Variants in SLC25A29 observed in about 807,000 individuals in gnomAD.
The protein encoded by SLC25A29 is mitochondrial basic amino acids transporter.
Under a neutral mutation model 10.0 loss-of-function variants are expected in SLC25A29, and 13 were observed. That is an observed-to-expected ratio of 1.30 (90% CI 0.85 to 2.07). SLC25A29 has a LOEUF of 2.07. Ranked by LOEUF, SLC25A29 falls within the 30% of genes most tolerant of loss-of-function variation. The probability of loss-of-function intolerance (pLI) is 0.00; values close to 1 mark genes in which losing one functional copy is unlikely to be tolerated. For missense variants in SLC25A29, 475 were observed against 447.6 expected (o/e 1.06, Z -0.55); for synonymous variants, 244 against 221.1 (o/e 1.10, Z -0.92).
At chr14:100,281,227 AATT>A in the SLC25A29 span, 2 of 151,692 alleles carry the variant, frequency 1.3e-5, no homozygotes, top group East Asian at 3.9e-4. Context: ...TTAATTATTT[AATT>A]ATTCTTTAAT....
At chr14:100,293,216 C>G (rs1485029112) in intron 3 of SLC25A29, 78 bp downstream of exon 3, 2 of 1,539,680 alleles carry the variant, frequency 1.3e-6, no homozygotes, top group Non-Finnish European at 1.8e-6. Context: ...TCCTGGCTCT[C>G]TGGTCTGGGG....
chr14:100,306,266 C>T lies in SLC25A29; in HGVS notation c.-34G>A, dbSNP rs756798148. 2 of 1,446,842 alleles carry T rather than the reference C, an allele frequency of 1.4e-6. No individual in the cohort carries two copies. Among genetic ancestry groups the T allele is most frequent in the African/African-American group, 1.5e-5 (1 of 67,758 alleles). 89.6% of individuals were successfully genotyped at this position (1,446,842 alleles called of 1,614,324 possible). On this transcript the variant is annotated 5_prime_UTR_variant, in exon 1 of 4. Transcript: ENST00000359232. ...CCCCGGCGAGGCCGCCTTTCCTCCT[C>T]GTCCTCCCCCTGAGGCCCCTCGCCG...
downstream of SLC25A29, among the ~76,000 whole-genome samples, chr14:100,289,405 T>G (rs1891611946): frequency 1.3e-5 from 2 of 152,188 alleles, no homozygotes; most frequent in South Asian, 4.1e-4. Context: ...TTGGATGCCC[T>G]CTGGGAACTG....
rs1892958552 is a variant in SLC25A29, at chr14:100,306,401, A to G, written c.-169T>C. On this transcript the variant is annotated 5_prime_UTR_variant, in exon 1 of 4. Coordinates refer to ENST00000359232, the MANE Select transcript of SLC25A29 (RefSeq NM_001039355.3). ...GGTCAGGGATGGTGGGGATGGCGGC[A>G]GCAGCTAGACCCGCGCTGGTCCCTC... The G allele has an allele frequency of 1.9e-6, 1 of 522,788 alleles. No individual in the cohort carries two copies. The highest frequency in any genetic ancestry group is 2.9e-6 in the Non-Finnish European group (1 of 347,968). The allele number at this position is 522,788 out of a possible 1,614,324, so 32.4% of individuals were successfully genotyped here.
At chr14:100,284,305 C>T in the SLC25A29 span, among the ~76,000 whole-genome samples, 1 of 152,136 alleles carries the variant, frequency 6.6e-6, no homozygotes, top group African/African-American at 2.4e-5. Context: ...CATCGGCCTC[C>T]CTGGTGTGCG....
chr14:100,286,475 G>GT (rs34507502), downstream of SLC25A29, among the ~76,000 whole-genome samples: 42,937 of 141,260 alleles, frequency 0.3, 8,199 homozygotes, highest in South Asian at 0.52. Flanking sequence ...ATGGCTGGGG[G>GT]GGGGGGTGTT....
intron 1 of SLC25A29, chr14:100,299,509 C>T (rs1039233298): frequency 2.0e-6 from 2 of 986,830 alleles, no homozygotes; most frequent in African/African-American, 3.5e-5. Flanking sequence ...GTGGGAGCCA[C>T]CTTGAGCCCA....
the SLC25A29 span, among the ~76,000 whole-genome samples, chr14:100,284,937 G>A: frequency 6.6e-6 from 1 of 151,886 alleles, no homozygotes; most frequent in Non-Finnish European, 1.5e-5. Flanking sequence ...TACTCGGGAG[G>A]CTGAGGCAGG....
chr14:100,302,352 CTATT>C (rs1387564635), intron 1 of SLC25A29, among the ~76,000 whole-genome samples: 5 of 150,176 alleles, frequency 3.3e-5, no homozygotes, highest in African/African-American at 7.4e-5. Flanking sequence ...GGCCCAAAAT[CTATT>C]TCTTTCTTTT....
the SLC25A29 span, among the ~76,000 whole-genome samples, chr14:100,285,458 G>C: frequency 6.6e-6 from 1 of 151,670 alleles, no homozygotes; most frequent in Non-Finnish European, 1.5e-5. Flanking sequence ...GCTGGGCCGC[G>C]TCCGCTGTGG....
At chr14:100,300,357 G>C (rs1892461205) in intron 1 of SLC25A29, among the ~76,000 whole-genome samples, 1 of 152,144 alleles carries the variant, frequency 6.6e-6, no homozygotes, top group Non-Finnish European at 1.5e-5. Flanking sequence ...ACATGTGACT[G>C]GTATGGTTTT....
chr14:100,297,066 C>T (rs1273354563), intron 2 of SLC25A29, among the ~76,000 whole-genome samples: 2 of 152,188 alleles, frequency 1.3e-5, no homozygotes, highest in Admixed American at 1.3e-4. Context: ...AAGGTCGCGC[C>T]ACTGCACTCC....
chr14:100,284,528 T>A, the SLC25A29 span, among the ~76,000 whole-genome samples: 1 of 152,232 alleles, frequency 6.6e-6, no homozygotes, highest in Non-Finnish European at 1.5e-5. Context: ...AGCCCAGTCC[T>A]GGCTTTATCT....
At position 100,301,298 on chromosome 14, in the gene SLC25A29, C is replaced by T. The variant is rs113175990; in HGVS notation, c.35-2413G>A. Among the ~76,000 whole-genome samples, 874 of 151,916 alleles carry T rather than the reference C, an allele frequency of 5.8e-3. 7 individuals carry two copies. The highest frequency in any genetic ancestry group is 0.02 in the African/African-American group (840 of 41,380). On this transcript the variant is annotated intron_variant, in intron 1 of 3. Transcript: ENST00000359232. ...GGTTCAAGTGATTCTCCTGCCTCAG[C>T]AGGACTACAGGCCCACCCCACCACA...
rs535393080 is a variant in SLC25A29 at position 100,292,922 on chromosome 14, C to T, written c.273G>A (p.Ser91=). The change falls in exon 4 of 4, where the codon TCG becomes TCA. Residue 91 remains serine, a synonymous_variant. Coordinates refer to ENST00000359232, the MANE Select transcript of SLC25A29 (RefSeq NM_001039355.3). The part of the protein sequence containing the change: ...GNTLRALGHD[S]PLNQFLAGAA... ...CACCTGCCAGGAACTGGTTGAGGGG[C>T]GAGTCGTGGCCCAGGGCCCGGAGGG... is the stretch of plus-strand genomic sequence containing the variant. The T allele has an allele frequency of 6.2e-7, 1 of 1,607,594 alleles. No individual in the cohort carries two copies. Among genetic ancestry groups the T allele is most frequent in the East Asian group, 2.2e-5 (1 of 44,684 alleles).
Position 100,306,201 on chromosome 14 carries a change from C to T in SLC25A29, c.32G>A (p.Gly11Glu). 1 of 1,509,050 alleles carries T rather than the reference C, an allele frequency of 6.6e-7. No individual in the cohort carries two copies. The highest frequency in any genetic ancestry group is 2.8e-5 in the East Asian group (1 of 35,986). 93.5% of individuals were successfully genotyped at this position (1,509,050 alleles called of 1,614,324 possible). A position where few individuals can be genotyped will look rare whatever the true frequency, so the allele number is the denominator to read the frequency against. Residue 11 changes from glycine (G) to glutamate (E), a missense_variant and splice_region_variant, in exon 1 of 4, where the codon GGG becomes GAG. Physicochemically the swap from Gly to Glu is moderately conservative, Grantham distance 98. Transcript: ENST00000359232. ...GGCCCGGCCCGCCGCCTCCTTACCC[C>T]CCGCGCATCCAGCCAAGAAGTCCAG... is the stretch of plus-strand genomic sequence containing the variant. Reference protein sequence around the residue: MALDFLAGCAGGVAGVLVGHP... With the variant: MALDFLAGCAEGVAGVLVGHP...
At chr14:100,287,696 C>T (rs1369875018), downstream of SLC25A29, among the ~76,000 whole-genome samples, 1 of 147,612 alleles carries the variant, frequency 6.8e-6, no homozygotes, top group Non-Finnish European at 1.5e-5. Flanking sequence ...CCTCTGCCCC[C>T]CACCCTGGCC....
In SLC25A29 at chr14:100,293,331, G is replaced by C. The variant is rs764604683; in HGVS notation, c.125C>G (p.Thr42Arg). The change falls in exon 3 of 4, where the codon ACG becomes AGG. Residue 42 changes from threonine (T) to arginine (R), a missense_variant. Physicochemically the swap from Thr to Arg is moderately conservative, Grantham distance 71. Transcript: ENST00000359232. ...QSVEKPQYRG[T>R]LHCFKSIIKQ... Reference sequence around the variant, plus strand: ...GATGATGGACTTGAAGCAGTGCAACGTCCCGCGGTACTGAGGCTTCTCCAC... The same window carrying C: ...GATGATGGACTTGAAGCAGTGCAACCTCCCGCGGTACTGAGGCTTCTCCAC... 5.6e-6 allele frequency: 9 copies of C among 1,613,302 alleles called. No homozygotes were observed. Among genetic ancestry groups the C allele is most frequent in the African/African-American group, 1.3e-5 (1 of 74,926 alleles).
the SLC25A29 span, among the ~76,000 whole-genome samples, chr14:100,285,288 T>G: frequency 1.3e-5 from 2 of 151,884 alleles, no homozygotes; most frequent in African/African-American, 4.8e-5. Context: ...CGCGCCTTTG[T>G]CCCAGCCCTT....
Sources: allele counts gnomAD v4.1 joint callset (sites outside exome capture counted in the v4.1 genomes callset), GRCh38; gene constraint gnomAD v4.1.1; transcripts MANE v1.5; gene names NCBI Gene and HGNC (gene_info 2026-07-23, HGNC 2026-07-21).